The following RAPGEF4 variants were observed in gnomAD, a reference collection of about 807,000 sequenced individuals.
RAPGEF4 encodes the protein Rap guanine nucleotide exchange factor 4, also known as RAP guanine-nucleotide-exchange factor (GEF) 4.
A neutral mutation model predicts 147.9 loss-of-function variants in RAPGEF4; 66 were observed. The observed-to-expected ratio is 0.45, with a 90% CI of 0.37 to 0.55. The LOEUF (loss-of-function observed/expected upper bound fraction) is 0.55, where lower values mean the gene tolerates loss of function less well. RAPGEF4 is among the 20% of genes least tolerant of loss of function. The probability of loss-of-function intolerance (pLI) is 0.00; values close to 1 mark genes in which losing one functional copy is unlikely to be tolerated. For synonymous variants in RAPGEF4, 419 were observed against 442.7 expected (o/e 0.95, Z 0.67); for missense variants, 1,071 against 1,257.3 (o/e 0.85, Z 2.24).
intron 3 of RAPGEF4, among the ~76,000 whole-genome samples, chr2:172,813,082 G>A (rs969345936): frequency 2.6e-5 from 4 of 152,080 alleles, no homozygotes; most frequent in Admixed American, 2.6e-4. Flanking sequence ...ATTTTATATG[G>A]TAATATCTGT....
At chr2:172,769,480 A>C (rs1697158586) in intron 1 of RAPGEF4, among the ~76,000 whole-genome samples, 1 of 152,158 alleles carries the variant, frequency 6.6e-6, no homozygotes, top group African/African-American at 2.4e-5. Context: ...GGTATGCATC[A>C]ATTTCCCCTG....
chr2:172,930,312 C>T (rs1685785367), intron 6 of RAPGEF4, among the ~76,000 whole-genome samples: 2 of 152,286 alleles, frequency 1.3e-5, no homozygotes, highest in African/African-American at 4.8e-5. Flanking sequence ...AAGACACCTT[C>T]CTCACCCCTC....
At chr2:172,739,633 A>T (rs1244847968) in intron 1 of RAPGEF4, among the ~76,000 whole-genome samples, 1 of 152,192 alleles carries the variant, frequency 6.6e-6, no homozygotes, top group Non-Finnish European at 1.5e-5. Context: ...GGCCTCCCAA[A>T]GTGCTGGGAA....
rs3754754 is a variant in RAPGEF4, at chr2:172,993,683, G to A, written c.1490+2758G>A. Among the ~76,000 whole-genome samples, 390 of 152,254 alleles carry A rather than the reference G, an allele frequency of 2.6e-3. 9 individuals are homozygous for A. In the East Asian group the frequency reaches 0.059, roughly 23 times the overall value. On this transcript the variant is annotated intron_variant, in intron 15 of 30. Coordinates refer to ENST00000397081, the MANE Select transcript of RAPGEF4 (RefSeq NM_007023.4). ...GCAGTGGACAGTGGGAAACAAAGCC[G>A]TCACGTGATGTTTCAGCCAAACCCA...
chr2:172,782,685 A>C (rs887401920), intron 1 of RAPGEF4, among the ~76,000 whole-genome samples: 4 of 152,262 alleles, frequency 2.6e-5, no homozygotes, highest in Non-Finnish European at 5.9e-5. Flanking sequence ...ACCCATCCGG[A>C]AAGCATTTTA....
chr2:172,897,905 A>G (rs903989772), intron 4 of RAPGEF4, among the ~76,000 whole-genome samples: 1 of 151,246 alleles, frequency 6.6e-6, no homozygotes, highest in Non-Finnish European at 1.5e-5. Flanking sequence ...CTTTCGCACA[A>G]GCTCCAGATG....
At chr2:172,799,819 C>T (rs1408464945) in intron 3 of RAPGEF4, among the ~76,000 whole-genome samples, 1 of 152,084 alleles carries the variant, frequency 6.6e-6, no homozygotes, top group African/African-American at 2.4e-5. Context: ...GCAGATGTGC[C>T]TAAGGGGATG....
chr2:172,881,672 T>C (rs138715601), intron 4 of RAPGEF4, among the ~76,000 whole-genome samples: 1 of 152,320 alleles, frequency 6.6e-6, no homozygotes, highest in African/African-American at 2.4e-5. Context: ...GGGCACTCAG[T>C]TGTCAGCAAG....
chr2:172,963,338 A>G (rs952663796), intron 8 of RAPGEF4, among the ~76,000 whole-genome samples: 1 of 152,238 alleles, frequency 6.6e-6, no homozygotes, highest in African/African-American at 2.4e-5. Context: ...AATGTGTCAT[A>G]TGTCTTCAGA....
At chr2:172,803,641 AAT>A (rs1382132977) in intron 3 of RAPGEF4, among the ~76,000 whole-genome samples, 1 of 152,172 alleles carries the variant, frequency 6.6e-6, no homozygotes, top group African/African-American at 2.4e-5. Flanking sequence ...TACTTATGCA[AAT>A]TTCTGTAGCT....
intron 10 of RAPGEF4, among the ~76,000 whole-genome samples, chr2:172,968,241 G>A (rs1377397913): frequency 6.6e-6 from 1 of 152,168 alleles, no homozygotes; most frequent in Non-Finnish European, 1.5e-5. Context: ...TTTTTTGGCT[G>A]GAAATGAAGA....
chr2:173,028,748 A>T (rs554605380), intron 25 of RAPGEF4, among the ~76,000 whole-genome samples: 3 of 152,304 alleles, frequency 2.0e-5, no homozygotes, highest in South Asian at 2.1e-4. Flanking sequence ...TTTAAATCCG[A>T]GATCTACAAG....
chr2:172,917,425 A>G (rs780844206), intron 4 of RAPGEF4: 2 of 520,562 alleles, frequency 3.8e-6, no homozygotes, highest in African/African-American at 3.8e-5. Context: ...TAGGCAGCAC[A>G]TTTATTTGTA....
At position 172,965,682 on chromosome 2, in the gene RAPGEF4, C is replaced by T. The variant is rs376523114; in HGVS notation, c.819C>T (p.His273=). ...QVLLEDGVLN[H]VDQEHHFQDK... is the part of the protein sequence containing the mutation. ...TGTTAGAAGATGGTGTTCTCAACCA[C>T]GGTAAGATGAGCCCCAGTCCCTGGA... The change falls in exon 9 of 31, where the codon CAC becomes CAT. Residue 273 remains histidine, a splice_region_variant and synonymous_variant. Coordinates refer to ENST00000397081, the MANE Select transcript of RAPGEF4 (RefSeq NM_007023.4). 34 of 1,614,132 alleles carry T rather than the reference C, an allele frequency of 2.1e-5. No individual in the cohort carries two copies. Among genetic ancestry groups the T allele is most frequent in the South Asian group, 1.5e-4 (14 of 91,082 alleles).
At chr2:173,038,279 GA>G (rs1430905198) in intron 29 of RAPGEF4, among the ~76,000 whole-genome samples, 3 of 152,164 alleles carry the variant, frequency 2.0e-5, no homozygotes, top group Admixed American at 2.0e-4. Context: ...TTCCCAGAAA[GA>G]AAACCTGTTT....
Position 172,737,513 on chromosome 2 carries a change from G to A in RAPGEF4, c.65+1465G>A, listed in dbSNP as rs559056088. On this transcript the variant is annotated intron_variant, in intron 1 of 30. Transcript: ENST00000397081. ...TGGCATGGCATTTTTTGAACAGTCGGTAATTCACTGGAAACCCGTTAGTCA... is the reference window on the plus strand; with the variant it reads ...TGGCATGGCATTTTTTGAACAGTCGATAATTCACTGGAAACCCGTTAGTCA... 9.2e-5 allele frequency among the ~76,000 whole-genome samples: 14 copies of A among 152,196 alleles called. No individual in the cohort carries two copies. In the South Asian group the frequency reaches 2.9e-3, roughly 32 times the overall value.
rs11451480 is a variant in RAPGEF4, at chr2:173,008,069, G to GCC, written c.1659-6389_1659-6388dup. ...GTGGGAGGTGATTAGATCGGGTGTGGCCCCCCCATGCTGTTCTCGTGATAG... is the reference window on the plus strand; with the variant it reads ...GTGGGAGGTGATTAGATCGGGTGTGGCCCCCCCCCATGCTGTTCTCGTGATAG... On this transcript the variant is annotated intron_variant, in intron 17 of 30. Transcript: ENST00000397081. Among the ~76,000 whole-genome samples, 282 of 151,978 alleles carry GCC rather than the reference G, an allele frequency of 1.9e-3. 2 individuals are homozygous for GCC. In the East Asian group the frequency reaches 0.031, roughly 17 times the overall value.
At chr2:172,812,583 G>A (rs908096931) in intron 3 of RAPGEF4, among the ~76,000 whole-genome samples, 1 of 152,192 alleles carries the variant, frequency 6.6e-6, no homozygotes, top group South Asian at 2.1e-4. Flanking sequence ...AGGTGATAAA[G>A]AAGACTGATT....
At chr2:173,008,062 G>T (rs958582224) in intron 17 of RAPGEF4, among the ~76,000 whole-genome samples, 2 of 77,582 alleles carry the variant, frequency 2.6e-5, no homozygotes, top group Non-Finnish European at 5.6e-5. Context: ...TGATTAGATC[G>T]GGTGTGGCCC....
Sources: gnomAD v4.1 joint callset for allele counts (sites outside exome capture counted in the v4.1 genomes callset) on GRCh38, gnomAD v4.1.1 for gene constraint, MANE v1.5 for transcripts, NCBI Gene and HGNC (gene_info 2026-07-23, HGNC 2026-07-21) for gene names.